Variants in SVIL observed in about 807,000 individuals in gnomAD.
SVIL encodes the protein archvillin.
A neutral mutation model predicts 240.4 loss-of-function variants in SVIL; 101 were observed. That is an observed-to-expected ratio of 0.42 (90% confidence interval 0.36 to 0.50). The LOEUF is 0.50. SVIL is among the 20% of genes least tolerant of loss of function. The probability of loss-of-function intolerance (pLI) is 0.01; values close to 1 mark genes in which losing one functional copy is unlikely to be tolerated. For synonymous variants in SVIL, 999 were observed against 1,100.0 expected (o/e 0.91, Z 1.82); for missense variants, 2,512 against 2,818.7 (o/e 0.89, Z 2.46).
intron 2 of SVIL, among the ~76,000 whole-genome samples, chr10:29,682,494 C>G (rs923885785): frequency 2.0e-5 from 3 of 152,198 alleles, no homozygotes; most frequent in Non-Finnish European, 4.4e-5. Flanking sequence ...CCTTTTCCTC[C>G]TGGAGCTTAT....
chr10:29,639,101 G>A (rs1305575014), upstream of SVIL, among the ~76,000 whole-genome samples: 1 of 152,072 alleles, frequency 6.6e-6, no homozygotes. Flanking sequence ...GTCTTCCAAT[G>A]TGAATACTGC....
At chr10:29,628,653 T>A (rs1322334835) in intron 1 of SVIL, among the ~76,000 whole-genome samples, 10 of 152,178 alleles carry the variant, frequency 6.6e-5, no homozygotes, top group Admixed American at 6.5e-4. Context: ...TGATAGCAGA[T>A]ACAGAGGATA....
chr10:29,531,769 C>T (rs895279539), intron 9 of SVIL, among the ~76,000 whole-genome samples: 2 of 152,144 alleles, frequency 1.3e-5, no homozygotes, highest in African/African-American at 4.8e-5. Context: ...TTTCTTACTT[C>T]TTATCATCTG....
At chr10:29,656,571 C>T (rs982818722) in intron 3 of SVIL, among the ~76,000 whole-genome samples, 1 of 152,070 alleles carries the variant, frequency 6.6e-6, no homozygotes, top group African/African-American at 2.4e-5. Context: ...GACCTTCAGG[C>T]CTCTCAAAAA....
chr10:29,458,516 A>G lies in SVIL; in HGVS notation c.6476T>C (p.Leu2159Pro). Reference protein sequence around the residue: ...LAKLCKTIYPLADLLARPLPE... With the variant: ...LAKLCKTIYPPADLLARPLPE... ...GAGTGGCCTGGCCAGGAGGTCGGCC[A>G]GCGGGTAAATGGTTTTACAGAGCTT... Residue 2159 changes from leucine (L) to proline (P), a missense_variant, in exon 37 of 38, where the codon CTG becomes CCG. By Grantham distance (98) the Leu-to-Pro change is moderately conservative. Around this residue, in one of 3 missense-constraint regions of SVIL, gnomAD observed 797 missense variants for 925.3 expected, o/e 0.86. Transcript: ENST00000355867. The G allele has an allele frequency of 3.7e-6, 6 of 1,601,520 alleles. No homozygotes were observed. Among genetic ancestry groups the G allele is most frequent in the Admixed American group, 1.7e-5 (1 of 58,144 alleles).
chr10:29,582,867 C>T (rs1956009961), intron 1 of SVIL, among the ~76,000 whole-genome samples: 1 of 152,102 alleles, frequency 6.6e-6, no homozygotes, highest in African/African-American at 2.4e-5. Context: ...CCATGCCTCT[C>T]CTCTCGTGAG....
At chr10:29,564,123 A>G (rs1954759247) in intron 2 of SVIL, among the ~76,000 whole-genome samples, 1 of 152,134 alleles carries the variant, frequency 6.6e-6, no homozygotes, top group African/African-American at 2.4e-5. Flanking sequence ...GGTGGTGTCA[A>G]CACTCCCACC....
At chr10:29,530,442 C>T (rs181460037) in intron 11 of SVIL, among the ~76,000 whole-genome samples, 165 bp downstream of exon 11, 12 of 152,232 alleles carry the variant, frequency 7.9e-5, no homozygotes, top group South Asian at 2.1e-4. Context: ...TTCCCCCTCC[C>T]TAAGGCTTAC....
At chr10:29,493,884 C>T (rs2132411671) in intron 20 of SVIL, among the ~76,000 whole-genome samples, 1 of 152,226 alleles carries the variant, frequency 6.6e-6, no homozygotes, top group East Asian at 1.9e-4. Flanking sequence ...ACTTTATTTA[C>T]AAAAACAGGG....
chr10:29,673,379 T>A (rs1959937704), intron 2 of SVIL, among the ~76,000 whole-genome samples: 2 of 152,152 alleles, frequency 1.3e-5, no homozygotes, highest in Non-Finnish European at 2.9e-5. Context: ...TTTTAATCAC[T>A]GACTTAAGGT....
rs1355290654 is a variant in SVIL, at chr10:29,457,858, T to TATAA, written c.*385_*388dup. 1 of 152,956 alleles carries TATAA rather than the reference T, an allele frequency of 6.5e-6. No individual in the cohort carries two copies. The highest frequency in any genetic ancestry group is 1.5e-5 in the Non-Finnish European group (1 of 68,946). 9.5% of individuals were successfully genotyped at this position (152,956 alleles called of 1,614,324 possible). ...ACATATTTGACTTATATGGTGTTTA[T>TATAA]ATAAATATATATATATTTTAGAATC... On this transcript the variant is annotated 3_prime_UTR_variant, in exon 38 of 38. Transcript: ENST00000355867.
intron 1 of SVIL, among the ~76,000 whole-genome samples, chr10:29,723,268 T>C (rs1964096025): frequency 1.3e-5 from 2 of 152,144 alleles, no homozygotes; most frequent in South Asian, 2.1e-4. Flanking sequence ...TGTATCTCAG[T>C]TACTGGGAGG....
chr10:29,675,515 A>C (rs1444768964), intron 2 of SVIL, among the ~76,000 whole-genome samples: 1 of 151,996 alleles, frequency 6.6e-6, no homozygotes, highest in Non-Finnish European at 1.5e-5. Context: ...AACAAGAAGA[A>C]ACCAGCCCTC....
intron 1 of SVIL, among the ~76,000 whole-genome samples, chr10:29,693,218 G>C: frequency 6.7e-6 from 1 of 148,908 alleles, no homozygotes; most frequent in East Asian, 2.0e-4. Context: ...AGGTGTTAGA[G>C]ACAAGTCAGG....
At position 29,480,751 on chromosome 10, in the gene SVIL, C is replaced by T. The variant is rs751165855; in HGVS notation, c.5163G>A (p.Thr1721=). The T allele has an allele frequency of 1.3e-5, 21 of 1,613,914 alleles. No individual in the cohort carries two copies. Among genetic ancestry groups the T allele is most frequent in the South Asian group, 7.7e-5 (7 of 91,086 alleles). Residue 1721 remains threonine (T), a synonymous_variant, in exon 29 of 38, where the codon ACG becomes ACA. Transcript: ENST00000355867. ...CTCCGTCCAGGATGGTGCCTGCTGT[C>T]GTCTGGGGCATGGACACCATCCGTG... is the stretch of plus-strand genomic sequence containing the variant. ...DVTRMVSMPQ[T]TAGTILDGVN... is the part of the protein sequence containing the mutation.
chr10:29,470,221 C>T (rs566292460), intron 32 of SVIL, 55 bp downstream of exon 32: 14 of 1,594,778 alleles, frequency 8.8e-6, no homozygotes, highest in Admixed American at 6.8e-5. Context: ...GAGCCTGCCC[C>T]GTCCCTCTGG....
chr10:29,528,953 A>G (rs1432500474), intron 12 of SVIL, among the ~76,000 whole-genome samples: 4 of 152,054 alleles, frequency 2.6e-5, no homozygotes, highest in Non-Finnish European at 4.4e-5. Context: ...TGAGGCATGG[A>G]TCACCTGAGG....
Position 29,667,006 on chromosome 10 carries a change from A to AG in SVIL, c.-300-8939dup, listed in dbSNP as rs1959355634. ...AGTGCTTGAAGGCTCTGAAGGAGGT[A>AG]GGAGCGCTCACATTTTGCTGGTTGG... On this transcript the variant is annotated intron_variant, in intron 2 of 35. Coordinates refer to the SVIL transcript ENST00000375400. 2.0e-5 allele frequency among the ~76,000 whole-genome samples: 3 copies of AG among 152,174 alleles called. No homozygotes were observed. The South Asian group carries it at 6.2e-4, about 32-fold the overall frequency.
chr10:29,579,598 C>T (rs1341250644), intron 1 of SVIL, among the ~76,000 whole-genome samples: 6 of 152,218 alleles, frequency 3.9e-5, no homozygotes, highest in Non-Finnish European at 8.8e-5. Flanking sequence ...ATGACAGTCA[C>T]GGTATTAAAC....
Sources: gnomAD v4.1 joint callset for allele counts (sites outside exome capture counted in the v4.1 genomes callset) on GRCh38, gnomAD v4.1.1 for gene constraint, gnomAD v4.1.1 regional missense constraint, MANE v1.5 for transcripts, NCBI Gene and HGNC (gene_info 2026-07-23, HGNC 2026-07-21) for gene names.